DMXL1: variants seen among roughly 807,000 people sequenced by gnomAD.
The protein encoded by DMXL1 is Dmx like 1, also known as dmX-like protein 1.
A neutral mutation model predicts 319.2 loss-of-function variants in DMXL1; 99 were observed. The observed-to-expected ratio is 0.31, with a 90% CI of 0.26 to 0.37. The LOEUF is 0.37. DMXL1 is among the 10% of genes least tolerant of loss of function. DMXL1 has a pLI of 1.00. For synonymous variants in DMXL1, 1,385 were observed against 1,235.2 expected (o/e 1.12, Z -2.54); for missense variants, 3,745 against 3,595.6 (o/e 1.04, Z -1.06).
chr5:119,089,217 T>C (rs1754040234), intron 1 of DMXL1, among the ~76,000 whole-genome samples: 1 of 146,472 alleles, frequency 6.8e-6, no homozygotes, highest in Admixed American at 6.9e-5. Context: ...ATGTGGTTTC[T>C]CTTGATGAAT....
chr5:119,172,045 T>G, intron 25 of DMXL1, 76 bp downstream of exon 25: 1 of 1,313,836 alleles, frequency 7.6e-7, no homozygotes. Flanking sequence ...AAGGCTTTTT[T>G]TTAAGTAATT....
chr5:119,124,563 C>CTTTTTTT (rs34589863), intron 9 of DMXL1, among the ~76,000 whole-genome samples: 1 of 102,948 alleles, frequency 9.7e-6, no homozygotes, highest in Non-Finnish European at 1.9e-5. Flanking sequence ...ATGGTGATGA[C>CTTTTTTT]TTTTTTTTTT....
intron 1 of DMXL1, among the ~76,000 whole-genome samples, chr5:119,093,448 A>G (rs1278430627): frequency 6.6e-6 from 1 of 152,100 alleles, no homozygotes; most frequent in Non-Finnish European, 1.5e-5. Flanking sequence ...TTTTAAAATT[A>G]TTATTATATC....
chr5:119,151,869 G>C, intron 18 of DMXL1, 60 bp from the exon 19 acceptor site: 1 of 1,027,076 alleles, frequency 9.7e-7, no homozygotes, highest in Non-Finnish European at 1.5e-6. Context: ...GCCTATATTG[G>C]GTGTTCTTTT....
intron 10 of DMXL1, among the ~76,000 whole-genome samples, chr5:119,130,334 G>GT (rs140167068): frequency 3.9e-4 from 58 of 147,080 alleles, no homozygotes; most frequent in African/African-American, 6.9e-4. Flanking sequence ...TGCACTTTGT[G>GT]TTTTTTTTTT....
chr5:119,107,319 T>C (rs923720743), intron 4 of DMXL1, among the ~76,000 whole-genome samples: 4 of 151,826 alleles, frequency 2.6e-5, no homozygotes, highest in Non-Finnish European at 2.9e-5. Context: ...CTAGCCTGGG[T>C]GACAGAGCAA....
intron 9 of DMXL1, among the ~76,000 whole-genome samples, chr5:119,124,794 G>T (rs991459802): frequency 1.3e-5 from 2 of 152,014 alleles, no homozygotes; most frequent in Non-Finnish European, 2.9e-5. Context: ...TCGAGCTCCT[G>T]ACCTCCTCGT....
At position 119,149,753 on chromosome 5, in the gene DMXL1, C is replaced by T; in HGVS notation, c.3926C>T (p.Ser1309Leu). The stretch of plus-strand genomic sequence containing the variant: ...GATCCTTCAGTGGATATGGAAGATT[C>T]AGGTCTTTTTGAAGCAGCTCATGTA... ...AFDPSVDMED[S>L]GLFEAAHVLS... Residue 1309 changes from serine (S) to leucine (L), a missense_variant, in exon 18 of 44, where the codon TCA becomes TTA. Coordinates refer to ENST00000539542, the MANE Select transcript of DMXL1 (RefSeq NM_001290321.3). The T allele has an allele frequency of 6.2e-7, 1 of 1,613,918 alleles. No individual in the cohort carries two copies. Among genetic ancestry groups the T allele is most frequent in the Non-Finnish European group, 8.5e-7 (1 of 1,179,920 alleles).
At chr5:119,230,569 T>C (rs200437583) in intron 38 of DMXL1, among the ~76,000 whole-genome samples, 50 of 152,268 alleles carry the variant, frequency 3.3e-4, no homozygotes, top group African/African-American at 9.9e-4. Flanking sequence ...ATACAAAATA[T>C]CAAACTCAGT....
At chr5:119,199,868 C>T (rs191516693) in intron 32 of DMXL1, among the ~76,000 whole-genome samples, 2 of 152,136 alleles carry the variant, frequency 1.3e-5, no homozygotes, top group East Asian at 1.9e-4. Flanking sequence ...TTGGCACGTA[C>T]GTCTTCTTGT....
intron 1 of DMXL1, among the ~76,000 whole-genome samples, chr5:119,082,743 G>A (rs895427977): frequency 2.6e-5 from 4 of 152,204 alleles, no homozygotes; most frequent in African/African-American, 9.6e-5. Context: ...TCGTCTAGCT[G>A]TTTTGAAATA....
At chr5:119,083,568 G>A (rs570126102) in intron 1 of DMXL1, among the ~76,000 whole-genome samples, 40 of 152,082 alleles carry the variant, frequency 2.6e-4, no homozygotes, top group Admixed American at 6.5e-4. Context: ...TTGAGATAGA[G>A]TCTTGCTCTG....
chr5:119,142,767 C>G (rs1282903152), intron 13 of DMXL1, among the ~76,000 whole-genome samples: 1 of 151,912 alleles, frequency 6.6e-6, no homozygotes, highest in Non-Finnish European at 1.5e-5. Flanking sequence ...TTCACAATAG[C>G]AAAGACATAG....
intron 9 of DMXL1, among the ~76,000 whole-genome samples, chr5:119,122,701 G>C (rs1762463692): frequency 6.6e-6 from 1 of 151,932 alleles, no homozygotes; most frequent in South Asian, 2.1e-4. Context: ...TCACATCCCA[G>C]ACGGGGCGGC....
chr5:119,194,903 A>G (rs1046749375), intron 30 of DMXL1, among the ~76,000 whole-genome samples: 1 of 152,206 alleles, frequency 6.6e-6, no homozygotes, highest in Non-Finnish European at 1.5e-5. Flanking sequence ...TCTAAAAAAA[A>G]AAATTTTAAT....
intron 33 of DMXL1, 21 bp from the exon 34 acceptor site, chr5:119,206,812 TG>T: frequency 6.9e-7 from 1 of 1,458,578 alleles, no homozygotes; most frequent in Non-Finnish European, 9.2e-7. Context: ...CTTTGTCATG[TG>T]GTTATTCTTT....
intron 1 of DMXL1, among the ~76,000 whole-genome samples, chr5:119,082,036 C>T (rs1290100606): frequency 3.4e-5 from 5 of 147,822 alleles, no homozygotes; most frequent in South Asian, 2.1e-4. Context: ...CACACACACA[C>T]ACACACACAC....
intron 25 of DMXL1, among the ~76,000 whole-genome samples, chr5:119,173,790 A>ATATATATATATATATATATATATC (rs1775215781): frequency 8.0e-6 from 1 of 125,574 alleles, no homozygotes; most frequent in Admixed American, 8.4e-5. Flanking sequence ...ATATATATAT[A>ATATATATATATATATATATATATC]TATATATAAT....
rs114019808 is a variant in DMXL1, at chr5:119,097,913, A to G, written c.88-66A>G. On this transcript the variant is annotated intron_variant, in intron 1 of 43. Coordinates refer to ENST00000539542, the MANE Select transcript of DMXL1 (RefSeq NM_001290321.3). The stretch of plus-strand genomic sequence containing the variant: ...CCTGCCTTAAAACATGATAGTTAAT[A>G]CTAGTATTCTACATGGTAAATGTTT... 1.1e-3 allele frequency: 1,461 copies of G among 1,307,482 alleles called. 7 individuals are homozygous for G. In the African/African-American group the frequency reaches 0.02, roughly 18 times the overall value. The allele number at this position is 1,307,482 out of a possible 1,614,324, so 81.0% of individuals were successfully genotyped here.
Sources: allele counts gnomAD v4.1 joint callset (sites outside exome capture counted in the v4.1 genomes callset), GRCh38; gene constraint gnomAD v4.1.1; transcripts MANE v1.5; gene names NCBI Gene and HGNC (gene_info 2026-07-23, HGNC 2026-07-21).